Variants in SAXO5 observed in about 807,000 individuals in gnomAD.
The protein encoded by SAXO5 is testis expressed 45.
the SAXO5 span, among the ~76,000 whole-genome samples, chr19:7,504,976 C>CTTT: frequency 4.3e-5 from 6 of 138,436 alleles, no homozygotes; most frequent in African/African-American, 1.4e-4. Flanking sequence ...TCTTCTTCTT[C>CTTT]TTTTTTTTTT....
the SAXO5 span, chr19:7,506,812 CCCTCTTCCCCAGCGCCTA>C: frequency 4.1e-6 from 2 of 489,066 alleles, no homozygotes; most frequent in South Asian, 4.4e-5. Context: ...CCCACCTCCT[CCCTCTTCCCCAGCGCCTA>C]CCTCTTTCCC....
At chr19:7,500,770 G>A in the SAXO5 span, 5 of 1,388,444 alleles carry the variant, frequency 3.6e-6, no homozygotes, top group Non-Finnish European at 4.7e-6. Context: ...GCCCCAATGG[G>A]CACTTGCTCA....
At chr19:7,498,393 CTTTT>C in the SAXO5 span, among the ~76,000 whole-genome samples, 32 of 115,356 alleles carry the variant, frequency 2.8e-4, no homozygotes, top group Middle Eastern at 4.9e-3. Flanking sequence ...GTATTTTTTT[CTTTT>C]TTTTTTTTTT....
At chr19:7,504,098 C>G in the SAXO5 span, 229 of 1,537,020 alleles carry the variant, frequency 1.5e-4, 6 homozygotes, top group East Asian at 4.1e-3. Flanking sequence ...CTCTCTCCCC[C>G]CATCCCCCTT....
chr19:7,501,157 A>T, the SAXO5 span: 1 of 1,511,582 alleles, frequency 6.6e-7, no homozygotes, highest in Non-Finnish European at 8.8e-7. Flanking sequence ...CAGGCCGGCA[A>T]CCTGCACCTG....
chr19:7,507,650 G>A, the SAXO5 span, among the ~76,000 whole-genome samples: 1 of 151,830 alleles, frequency 6.6e-6, no homozygotes, highest in African/African-American at 2.4e-5. Flanking sequence ...GTCAGCTCAG[G>A]GGCATCTTTG....
At chr19:7,505,909 C>G in the SAXO5 span, 7 of 1,505,436 alleles carry the variant, frequency 4.6e-6, no homozygotes, top group Middle Eastern at 1.8e-4. Context: ...CCCTCCCCCC[C>G]GGGCCCGGGG....
chr19:7,504,504 G>A, the SAXO5 span: 7 of 974,266 alleles, frequency 7.2e-6, no homozygotes, highest in African/African-American at 3.2e-5. Flanking sequence ...TCAGGAGCTC[G>A]AGACCAGCCT....
chr19:7,506,405 C>T, the SAXO5 span: 1 of 580,916 alleles, frequency 1.7e-6, no homozygotes. Flanking sequence ...TGACCAGAAC[C>T]CCAACTCTGC....
chr19:7,501,130 A>G, the SAXO5 span: 1 of 1,507,480 alleles, frequency 6.6e-7, no homozygotes. Flanking sequence ...CAGGCGCGGG[A>G]ACGCACGCTC....
the SAXO5 span, chr19:7,506,399 C>T: frequency 1.7e-6 from 1 of 592,420 alleles, no homozygotes; most frequent in South Asian, 1.8e-5. Context: ...CCCAATTGAC[C>T]AGAACCCCAA....
chr19:7,498,207 T>A, the SAXO5 span, among the ~76,000 whole-genome samples: 844 of 142,224 alleles, frequency 5.9e-3, 6 homozygotes, highest in African/African-American at 0.022. Context: ...ACACCCTTCA[T>A]CCATGTTTTC....
At chr19:7,508,127 C>T in the SAXO5 span, 2 of 1,240,068 alleles carry the variant, frequency 1.6e-6, no homozygotes, top group Admixed American at 2.0e-5. Flanking sequence ...ACTCATCAGG[C>T]CTGGAGATCC....
the SAXO5 span, chr19:7,501,249 G>C: frequency 6.4e-7 from 1 of 1,566,376 alleles, no homozygotes; most frequent in East Asian, 2.5e-5. Context: ...GCGCACCCGA[G>C]AGCGGATCCG....
At chr19:7,505,117 G>A in the SAXO5 span, among the ~76,000 whole-genome samples, 14 of 152,084 alleles carry the variant, frequency 9.2e-5, no homozygotes, top group Non-Finnish European at 1.6e-4. Flanking sequence ...CCGAGTAGCT[G>A]GAATTACAGG....
At chr19:7,500,529 C>G in the SAXO5 span, among the ~76,000 whole-genome samples, 1 of 152,066 alleles carries the variant, frequency 6.6e-6, no homozygotes, top group Non-Finnish European at 1.5e-5. Flanking sequence ...AGGCTGGTCT[C>G]GAACTCCTGA....
the SAXO5 span, chr19:7,504,287 C>G: frequency 1.2e-6 from 2 of 1,613,882 alleles, no homozygotes; most frequent in African/African-American, 2.7e-5. Context: ...TGGTTTGGGC[C>G]TTCCTATCCC....
At chr19:7,501,367 G>T in the SAXO5 span, 1 of 1,516,232 alleles carries the variant, frequency 6.6e-7, no homozygotes, top group East Asian at 2.6e-5. Context: ...CACGACGCGC[G>T]CCCGCAGCCT....
At chr19:7,501,198 T>C in the SAXO5 span, 3 of 1,537,176 alleles carry the variant, frequency 2.0e-6, no homozygotes, top group South Asian at 1.2e-5. Context: ...GATCGGCCTC[T>C]CCAACGCGCA....
Sources: gnomAD v4.1 joint callset for allele counts (sites outside exome capture counted in the v4.1 genomes callset) on GRCh38, gnomAD v4.1.1 for gene constraint, MANE v1.5 for transcripts, NCBI Gene and HGNC (gene_info 2026-07-23, HGNC 2026-07-21) for gene names.